MGAT4C: variants seen among roughly 807,000 people sequenced by gnomAD.
MGAT4C encodes alpha-1,3-mannosyl-glycoprotein 4-beta-N-acetylglucosaminyltransferase C.
Under a neutral mutation model 40.1 loss-of-function variants are expected in MGAT4C, and 19 were observed. The ratio of observed to expected loss-of-function variants is 0.47; its 90% confidence interval spans 0.33 to 0.70. The LOEUF is 0.70. Among genes scored for constraint, MGAT4C ranks in the 30% least tolerant of loss-of-function variants. The probability of loss-of-function intolerance (pLI) is 0.02; values close to 1 mark genes in which losing one functional copy is unlikely to be tolerated. For missense variants in MGAT4C, 491 were observed against 563.2 expected, an observed-to-expected ratio of 0.87 and a Z score of 1.30; for synonymous variants, 181 against 187.1, an observed-to-expected ratio of 0.97 and a Z score of 0.27.
chr12:86,281,242 A>C (rs1212869218), intron 4 of MGAT4C, among the ~76,000 whole-genome samples: 3 of 152,052 alleles, frequency 2.0e-5, no homozygotes, highest in Non-Finnish European at 4.4e-5. Context: ...AAAATTTAAG[A>C]AACTTACATT....
rs571031056 is a variant in MGAT4C, at chr12:86,125,174, C to G, written c.-56-75451G>C. 2.0e-5 allele frequency among the ~76,000 whole-genome samples: 3 copies of G among 152,212 alleles called. No homozygotes were observed. The South Asian group carries it at 6.2e-4, about 32-fold the overall frequency. On this transcript the variant is annotated intron_variant, in intron 1 of 4. Transcript: ENST00000611864. ...TGTGTATAGAGAAGAGTTGTGGAAG[C>G]AATGTGTTTGGTTATAAATCTGAAT... is the stretch of plus-strand genomic sequence containing the variant.
Position 86,702,208 on chromosome 12 carries a change from A to ATT in MGAT4C, c.-229+24999_-229+25000dup, listed in dbSNP as rs34991687. The stretch of plus-strand genomic sequence containing the variant: ...TGCCACCACACCCACACACCCAGCT[A>ATT]TTTTTTTTTTTTTTTCAGAGATGTA... On this transcript the variant is annotated intron_variant, in intron 2 of 7. Coordinates refer to the MGAT4C transcript ENST00000548651. Among the ~76,000 whole-genome samples the ATT allele has an allele frequency of 5.4e-3, 746 of 138,754 alleles. 6 individuals are homozygous for ATT. Among genetic ancestry groups the ATT allele is most frequent in the African/African-American group, 0.016 (583 of 36,986 alleles). The allele number at this position is 138,754 out of a possible 152,430, so 91.0% of individuals were successfully genotyped here.
At chr12:86,217,957 A>T (rs1950733657) in intron 1 of MGAT4C, among the ~76,000 whole-genome samples, 1 of 152,144 alleles carries the variant, frequency 6.6e-6, no homozygotes, top group Non-Finnish European at 1.5e-5. Context: ...TAAGATTATA[A>T]GCAGATTATC....
Position 86,621,726 on chromosome 12 carries a change from C to A in MGAT4C, c.-229+105483G>T, listed in dbSNP as rs187628280. On this transcript the variant is annotated intron_variant, in intron 2 of 7. Coordinates refer to the MGAT4C transcript ENST00000548651. ...CTCCTGGGCTCAAGTGATCCTCCTA[C>A]CTCAGTCTCCAAAAATATGAGGATT... Among the ~76,000 whole-genome samples the A allele has an allele frequency of 1.2e-3, 189 of 152,270 alleles. 1 individual carries two copies. Among genetic ancestry groups the A allele is most frequent in the Middle Eastern group, 0.01 (3 of 294 alleles).
At chr12:86,733,880 T>C (rs942602872) in intron 1 of MGAT4C, among the ~76,000 whole-genome samples, 8 of 152,134 alleles carry the variant, frequency 5.3e-5, no homozygotes, top group African/African-American at 1.9e-4. Flanking sequence ...GACAATTCTG[T>C]TTATGAAAAA....
intron 2 of MGAT4C, among the ~76,000 whole-genome samples, chr12:86,589,728 T>C (rs1454510209): frequency 6.6e-6 from 1 of 152,032 alleles, no homozygotes; most frequent in Non-Finnish European, 1.5e-5. Flanking sequence ...GCTTCATCCC[T>C]GGGATGCAAG....
At chr12:86,793,821 G>A (rs1486118770) in intron 1 of MGAT4C, among the ~76,000 whole-genome samples, 1 of 151,942 alleles carries the variant, frequency 6.6e-6, no homozygotes, top group Non-Finnish European at 1.5e-5. Flanking sequence ...GTAACTCTTA[G>A]TTGTTGACAA....
At chr12:86,796,159 G>C (rs187054859) in intron 1 of MGAT4C, among the ~76,000 whole-genome samples, 57 of 142,572 alleles carry the variant, frequency 4.0e-4, no homozygotes, top group African/African-American at 1.4e-3. Flanking sequence ...TTTTTTTCAT[G>C]TCTGCTGTCT....
chr12:86,556,364 C>T (rs1331368081), intron 2 of MGAT4C, among the ~76,000 whole-genome samples: 2 of 152,054 alleles, frequency 1.3e-5, no homozygotes, highest in Non-Finnish European at 2.9e-5. Context: ...ACATGGAGAC[C>T]TATAACTTAC....
intron 2 of MGAT4C, among the ~76,000 whole-genome samples, chr12:86,505,842 C>G (rs1343411316): frequency 6.6e-6 from 1 of 152,120 alleles, no homozygotes; most frequent in African/African-American, 2.4e-5. Flanking sequence ...CTCTTTACAA[C>G]TTTCTCTTTC....
chr12:86,252,829 A>C (rs1373710785), intron 1 of MGAT4C, among the ~76,000 whole-genome samples: 1 of 151,968 alleles, frequency 6.6e-6, no homozygotes, highest in Non-Finnish European at 1.5e-5. Flanking sequence ...AGACAATAAA[A>C]ATAAAGCTAG....
intron 2 of MGAT4C, among the ~76,000 whole-genome samples, chr12:86,620,717 A>G (rs1344113662): frequency 4.6e-5 from 7 of 152,184 alleles, no homozygotes; most frequent in Non-Finnish European, 1.5e-5. Flanking sequence ...CTCAAGCTGA[A>G]TTCTAATCCC....
intron 1 of MGAT4C, among the ~76,000 whole-genome samples, chr12:86,109,121 C>T (rs760990450): frequency 1.3e-5 from 2 of 152,092 alleles, no homozygotes; most frequent in African/African-American, 2.4e-5. Context: ...TAAAGATCAG[C>T]AGCAGTCATA....
intron 2 of MGAT4C, among the ~76,000 whole-genome samples, chr12:86,597,431 T>G (rs968430696): frequency 7.2e-5 from 11 of 152,208 alleles, no homozygotes; most frequent in African/African-American, 2.7e-4. Context: ...AGCTTGCAGC[T>G]CATGCAGCAT....
At chr12:85,994,037 G>C (rs1377084042) in intron 2 of MGAT4C, among the ~76,000 whole-genome samples, 1 of 152,168 alleles carries the variant, frequency 6.6e-6, no homozygotes, top group African/African-American at 2.4e-5. Flanking sequence ...GGAGGGCGAG[G>C]CTCCTGCCTG....
intron 2 of MGAT4C, among the ~76,000 whole-genome samples, chr12:86,005,182 C>T (rs12366281): frequency 0.031 from 4,757 of 152,256 alleles, 97 homozygotes; most frequent in Middle Eastern, 0.068. Context: ...TTCTCAAAGA[C>T]TTGTGCCACA....
chr12:86,061,473 TG>T (rs1349336434), intron 1 of MGAT4C, among the ~76,000 whole-genome samples: 10 of 60,044 alleles, frequency 1.7e-4, no homozygotes, highest in South Asian at 1.2e-3. Context: ...GTTTTTTTTT[TG>T]TTTTTTTTTT....
chr12:86,605,491 C>A (rs1054571574), intron 2 of MGAT4C, among the ~76,000 whole-genome samples: 1 of 152,020 alleles, frequency 6.6e-6, no homozygotes, highest in Non-Finnish European at 1.5e-5. Flanking sequence ...GGTAATCAAT[C>A]AAAAATATTT....
intron 1 of MGAT4C, among the ~76,000 whole-genome samples, chr12:86,756,160 G>A (rs1258710908): frequency 6.6e-6 from 1 of 152,084 alleles, no homozygotes; most frequent in African/African-American, 2.4e-5. Context: ...AGAAGTGAAA[G>A]ATCAAGGCTG....
Sources: gnomAD v4.1 joint callset for allele counts (sites outside exome capture counted in the v4.1 genomes callset) on GRCh38, gnomAD v4.1.1 for gene constraint, MANE v1.5 for transcripts, NCBI Gene and HGNC (gene_info 2026-07-23, HGNC 2026-07-21) for gene names.